The following EHBP1 variants were observed in gnomAD, a reference collection of about 807,000 sequenced individuals.
The protein encoded by EHBP1 is EH domain-binding protein 1.
Under a neutral mutation model 144.0 loss-of-function variants are expected in EHBP1, and 55 were observed. That is an observed-to-expected ratio of 0.38 (90% CI 0.31 to 0.48). EHBP1 has a LOEUF of 0.48. Ranked by LOEUF, EHBP1 falls within the 20% of genes least tolerant of loss-of-function variation. The pLI, the probability that EHBP1 is intolerant of heterozygous loss-of-function variation, is 0.98. For missense variants in EHBP1, 1,200 were observed against 1,364.2 expected (o/e 0.88, Z 1.90); for synonymous variants, 469 against 472.7 (o/e 0.99, Z 0.10).
At chr2:62,954,880 C>G (rs2057600841) in intron 13 of EHBP1, among the ~76,000 whole-genome samples, 1 of 152,118 alleles carries the variant, frequency 6.6e-6, no homozygotes, top group Non-Finnish European at 1.5e-5. Flanking sequence ...AAGAACTGAT[C>G]TCTGTTGATG....
chr2:62,755,491 A>AT (rs1221281216), intron 3 of EHBP1, among the ~76,000 whole-genome samples: 1 of 151,958 alleles, frequency 6.6e-6, no homozygotes, highest in African/African-American at 2.4e-5. Context: ...GGGGAAAAGT[A>AT]TTTTTTTATC....
intron 2 of EHBP1, among the ~76,000 whole-genome samples, chr2:62,729,348 TATA>T (rs1221580030): frequency 7.1e-5 from 9 of 127,254 alleles, no homozygotes; most frequent in East Asian, 2.0e-4. Context: ...ATATAATATA[TATA>T]ATAATAAATA....
At chr2:62,991,358 A>C (rs751627208) in intron 16 of EHBP1, among the ~76,000 whole-genome samples, 6 of 152,162 alleles carry the variant, frequency 3.9e-5, no homozygotes, top group Non-Finnish European at 8.8e-5. Context: ...CTACTACTTT[A>C]AACTGCTATT....
At chr2:62,710,980 A>C (rs918773995) in intron 2 of EHBP1, among the ~76,000 whole-genome samples, 2 of 152,212 alleles carry the variant, frequency 1.3e-5, no homozygotes, top group Non-Finnish European at 2.9e-5. Context: ...TTTTGAAATA[A>C]ATTTTACAAA....
At chr2:62,689,427 G>A (rs1389962917) in intron 1 of EHBP1, among the ~76,000 whole-genome samples, 1 of 152,218 alleles carries the variant, frequency 6.6e-6, no homozygotes, top group Non-Finnish European at 1.5e-5. Flanking sequence ...CAGATCGCTT[G>A]AGGCCAGGAG....
chr2:62,805,445 T>C (rs1280133846), intron 5 of EHBP1, among the ~76,000 whole-genome samples: 1 of 151,428 alleles, frequency 6.6e-6, no homozygotes. Context: ...TGTATAGTCT[T>C]GTTCTTTATG....
Position 62,675,814 on chromosome 2 carries a change from G to A in EHBP1, c.-296+1731G>A, listed in dbSNP as rs193107772. Among the ~76,000 whole-genome samples, 70 of 152,228 alleles carry A rather than the reference G, an allele frequency of 4.6e-4. No homozygotes were observed. In the East Asian group the frequency reaches 0.011, roughly 24 times the overall value. ...TGGGTCCTGACGGGAGTGCTGTGGTGCAATCTTGGTTTACTGCAGCCTCCA... is the reference window on the plus strand; with the variant it reads ...TGGGTCCTGACGGGAGTGCTGTGGTACAATCTTGGTTTACTGCAGCCTCCA... On this transcript the variant is annotated intron_variant, in intron 1 of 22. Transcript: ENST00000405015.
In EHBP1 at chr2:62,722,572, A is replaced by G. The variant is rs113546848; in HGVS notation, c.104+15277A>G. Among the ~76,000 whole-genome samples the G allele has an allele frequency of 5.0e-3, 756 of 152,316 alleles. 5 individuals are homozygous for G. The highest frequency in any genetic ancestry group is 0.014 in the Middle Eastern group (4 of 294). ...CCAAGAATTCCATTGATACCAAAAG[A>G]AGAATTTTTTCCTCCCTAGACCAGG... On this transcript the variant is annotated intron_variant, in intron 2 of 22. Coordinates refer to ENST00000431489, the MANE Select transcript of EHBP1 (RefSeq NM_001142616.3).
chr2:62,841,976 A>T lies in EHBP1; in HGVS notation c.634+10818A>T, dbSNP rs535480526. ...GGAAGTCCAATATGAAGGAGCCTGCATATTTGTTATCTGGTGAGAGCCTGT... is the reference window on the plus strand; with the variant it reads ...GGAAGTCCAATATGAAGGAGCCTGCTTATTTGTTATCTGGTGAGAGCCTGT... On this transcript the variant is annotated intron_variant, in intron 7 of 22. Coordinates refer to ENST00000431489, the MANE Select transcript of EHBP1 (RefSeq NM_001142616.3). 3.3e-5 allele frequency among the ~76,000 whole-genome samples: 5 copies of T among 152,250 alleles called. No individual in the cohort carries two copies. The East Asian group carries it at 9.7e-4, about 29-fold the overall frequency.
At position 62,993,908 on chromosome 2, in the gene EHBP1, G is replaced by C. The variant is rs778872160; in HGVS notation, c.2910G>C (p.Lys970Asn). ...KRQRSIQEDT[K>N]KGNEEKAAIT... ...AGAGATCAATACAGGAAGATACAAA[G>C]AAAGGAAATGAGGAGAAGGCAGCGA... Residue 970 changes from lysine to asparagine, a missense_variant, in exon 18 of 23, where the codon AAG becomes AAC. Transcript: ENST00000431489. 1 of 1,595,698 alleles carries C rather than the reference G, an allele frequency of 6.3e-7. No individual in the cohort carries two copies. The highest frequency in any genetic ancestry group is 1.7e-5 in the Admixed American group (1 of 58,482).
At chr2:62,848,399 C>G (rs1573693566) in intron 7 of EHBP1, among the ~76,000 whole-genome samples, 1 of 152,018 alleles carries the variant, frequency 6.6e-6, no homozygotes, top group Non-Finnish European at 1.5e-5. Context: ...AAGTTTCTTA[C>G]AACACTGAAC....
chr2:62,767,083 G>A (rs1276039401), intron 4 of EHBP1, among the ~76,000 whole-genome samples: 2 of 151,872 alleles, frequency 1.3e-5, no homozygotes, highest in African/African-American at 2.4e-5. Context: ...TAGCCCCGCT[G>A]ATTTGCCATT....
intron 10 of EHBP1, among the ~76,000 whole-genome samples, chr2:62,909,679 G>C (rs535207169): frequency 6.6e-6 from 1 of 152,214 alleles, no homozygotes; most frequent in East Asian, 1.9e-4. Context: ...GAATTACTTG[G>C]GGTCTACTTT....
chr2:62,863,837 G>GTTTTTTTTTTTTTTTT (rs1354945636), intron 8 of EHBP1, among the ~76,000 whole-genome samples: 3 of 74,574 alleles, frequency 4.0e-5, no homozygotes, highest in Non-Finnish European at 5.1e-5. Flanking sequence ...ATTTTTCTGT[G>GTTTTTTTTTTTTTTTT]TTGTTTTTTT....
At position 62,986,745 on chromosome 2, in the gene EHBP1, T is replaced by C. The variant is rs78360887; in HGVS notation, c.2609-3971T>C. ...AGCCACCGCACCCAGTCAATCTTTTTTCTTTATTGTTTTCTTCTTCCAAAT... is the reference window on the plus strand; with the variant it reads ...AGCCACCGCACCCAGTCAATCTTTTCTCTTTATTGTTTTCTTCTTCCAAAT... On this transcript the variant is annotated intron_variant, in intron 15 of 22. Transcript: ENST00000431489. 1.1e-3 allele frequency among the ~76,000 whole-genome samples: 165 copies of C among 152,282 alleles called. 5 individuals are homozygous for C. In the East Asian group the frequency reaches 0.024, roughly 23 times the overall value.
intron 10 of EHBP1, among the ~76,000 whole-genome samples, chr2:62,920,429 G>GC (rs2054979957): frequency 1.3e-5 from 2 of 152,152 alleles, no homozygotes; most frequent in Admixed American, 6.5e-5. Context: ...ATTAACCAAA[G>GC]CTAAGGGAAT....
At chr2:62,840,806 G>A (rs1192953685) in intron 7 of EHBP1, among the ~76,000 whole-genome samples, 1 of 151,730 alleles carries the variant, frequency 6.6e-6, no homozygotes, top group African/African-American at 2.4e-5. Flanking sequence ...TCTCACACCA[G>A]TTAGAATGGC....
chr2:62,915,506 A>G (rs945513963), intron 10 of EHBP1, among the ~76,000 whole-genome samples: 2 of 152,132 alleles, frequency 1.3e-5, no homozygotes, highest in African/African-American at 2.4e-5. Flanking sequence ...TATGCTGAAT[A>G]AGACAGCACG....
chr2:62,798,615 CAT>C lies in EHBP1; in HGVS notation c.312+27224_312+27225del, dbSNP rs375221233. On this transcript the variant is annotated intron_variant, in intron 5 of 22. Coordinates refer to ENST00000431489, the MANE Select transcript of EHBP1 (RefSeq NM_001142616.3). ...ATTTCATAGAATTTTTGTGCATTAA[CAT>C]GTGCTTAGAACAGCGCCAGACACAT... Among the ~76,000 whole-genome samples the C allele has an allele frequency of 8.9e-4, 135 of 152,208 alleles. No individual in the cohort carries two copies. In the East Asian group the frequency reaches 0.015, roughly 17 times the overall value.
Sources: gnomAD v4.1 joint callset for allele counts (sites outside exome capture counted in the v4.1 genomes callset) on GRCh38, gnomAD v4.1.1 for gene constraint, MANE v1.5 for transcripts, NCBI Gene and HGNC (gene_info 2026-07-23, HGNC 2026-07-21) for gene names.